TIAM2: variants seen among roughly 807,000 people sequenced by gnomAD.
TIAM2 encodes the protein TIAM Rac1 associated GEF 2.
A neutral mutation model predicts 152.9 loss-of-function variants in TIAM2; 80 were observed. That is an observed-to-expected ratio of 0.52 (90% CI 0.44 to 0.63). The LOEUF is 0.63. TIAM2 is among the 30% of genes least tolerant of loss of function. The probability of loss-of-function intolerance (pLI) is 0.00; values close to 1 mark genes in which losing one functional copy is unlikely to be tolerated. For synonymous variants in TIAM2, 804 were observed against 838.0 expected (o/e 0.96, Z 0.70); for missense variants, 1,965 against 2,120.1 (o/e 0.93, Z 1.44).
At chr6:155,013,662 A>G (rs1326070510) in intron 1 of TIAM2, 2 of 152,092 alleles carry the variant, frequency 1.3e-5, no homozygotes, top group Non-Finnish European at 2.9e-5. Flanking sequence ...TATGAGCCAT[A>G]TGGAAGTCTG....
intron 22 of TIAM2, among the ~76,000 whole-genome samples, chr6:155,251,308 C>T (rs1330941784): frequency 2.6e-5 from 4 of 152,084 alleles, no homozygotes; most frequent in Non-Finnish European, 5.9e-5. Flanking sequence ...TTTTCTGAGA[C>T]GAGGTTTTGC....
At chr6:155,014,397 TTAAG>T (rs906331936) in intron 1 of TIAM2, among the ~76,000 whole-genome samples, 6 of 152,172 alleles carry the variant, frequency 3.9e-5, no homozygotes, top group Admixed American at 1.3e-4. Flanking sequence ...CAGTATTATG[TTAAG>T]TAGTTTTTGT....
Position 155,164,133 on chromosome 6 carries a change from G to GTTTTTTTTTTTTTTTTTTTTTTT in TIAM2, c.2029-270_2029-269insTTTTTTTTTTTTTTTTTTTTTTT, listed in dbSNP as rs375238178. ...TGGCACCACACCAGCTAATTTTTGTGTTTTTTTTTTTTCTTTTTTTTAGTA... is the reference window on the plus strand; with the variant it reads ...TGGCACCACACCAGCTAATTTTTGTGTTTTTTTTTTTTTTTTTTTTTTTTTTTTTTTTTTTCTTTTTTTTAGTA... On this transcript the variant is annotated intron_variant, in intron 7 of 26. Transcript: ENST00000682666. Among the ~76,000 whole-genome samples the GTTTTTTTTTTTTTTTTTTTTTTT allele has an allele frequency of 8.5e-5, 10 of 118,054 alleles. 2 individuals carry two copies. Among genetic ancestry groups the GTTTTTTTTTTTTTTTTTTTTTTT allele is most frequent in the Non-Finnish European group, 1.6e-4 (9 of 58,020 alleles). The allele number at this position is 118,054 out of a possible 152,430, so 77.4% of individuals were successfully genotyped here.
intron 18 of TIAM2, among the ~76,000 whole-genome samples, chr6:155,245,302 T>C (rs1215843534): frequency 2.0e-5 from 3 of 152,252 alleles, no homozygotes; most frequent in Admixed American, 6.5e-5. Flanking sequence ...CAATGCAGAG[T>C]CGGCTTTATT....
At chr6:155,113,473 C>T (rs1476739014) in intron 2 of TIAM2, among the ~76,000 whole-genome samples, 1 of 152,110 alleles carries the variant, frequency 6.6e-6, no homozygotes, top group Non-Finnish European at 1.5e-5. Flanking sequence ...ATAATCTTAG[C>T]ACTTTGGGAG....
intron 15 of TIAM2, chr6:155,232,738 C>T (rs1408606327): frequency 2.6e-5 from 4 of 152,034 alleles, no homozygotes; most frequent in South Asian, 2.1e-4. Context: ...AGGGATCTGC[C>T]GAAAGATCAT....
At chr6:155,244,941 G>A in intron 18 of TIAM2, 158 bp downstream of exon 18, 1 of 934,072 alleles carries the variant, frequency 1.1e-6, no homozygotes. Flanking sequence ...TCTGTCAGGT[G>A]GTAAAGGAAG....
At position 155,129,700 on chromosome 6, in the gene TIAM2, C is replaced by T. The variant is rs1360380970; in HGVS notation, c.477C>T (p.Pro159=). ...CACCGGGCGAAGACCGCAAGAGCCC[C>T]CGAGTGCTCATCAAAACGCTGGGGA... ...STPPGEDRKS[P]RVLIKTLGKL... Residue 159 remains proline, a synonymous_variant, in exon 4 of 27, where the codon CCC becomes CCT. Coordinates refer to ENST00000682666, the MANE Select transcript of TIAM2 (RefSeq NM_012454.4). This position sits in a 1 kb window ranked among gnomAD's most constrained non-coding sequence, Gnocchi z 4.8. The T allele has an allele frequency of 1.9e-6, 3 of 1,613,934 alleles. No individual in the cohort carries two copies. Among genetic ancestry groups the T allele is most frequent in the East Asian group, 2.2e-5 (1 of 44,890 alleles).
chr6:155,142,162 C>T (rs1234891148), intron 5 of TIAM2, among the ~76,000 whole-genome samples: 3 of 152,292 alleles, frequency 2.0e-5, no homozygotes, highest in Admixed American at 6.5e-5. Flanking sequence ...GGGTGCAGCC[C>T]GTTTCCACTG....
Position 155,213,393 on chromosome 6 carries a change from CTAA to C in TIAM2, c.3168+2088_3168+2090del, listed in dbSNP as rs1332656770. On this transcript the variant is annotated intron_variant, in intron 15 of 26. Coordinates refer to ENST00000682666, the MANE Select transcript of TIAM2 (RefSeq NM_012454.4). This position sits in a 1 kb window ranked among gnomAD's most constrained non-coding sequence, Gnocchi z 4.2. ...TAGCTCCTCTCCACAGCTGGTAGTA[CTAA>C]TGTCTGCTTAGCTTTAAGCAGAGAG... 2.0e-5 allele frequency among the ~76,000 whole-genome samples: 3 copies of C among 152,128 alleles called. No individual in the cohort carries two copies. The highest frequency in any genetic ancestry group is 2.9e-5 in the Non-Finnish European group (2 of 68,018).
rs906918661 is a variant in TIAM2, at chr6:155,148,000, G to A, written c.1804-110G>A. 5 of 1,014,576 alleles carry A rather than the reference G, an allele frequency of 4.9e-6. No individual in the cohort carries two copies. The African/African-American group carries it at 8.0e-5, about 16-fold the overall frequency. The allele number at this position is 1,014,576 out of a possible 1,614,324, so 62.8% of individuals were successfully genotyped here. A position where few individuals can be genotyped will look rare whatever the true frequency, so the allele number is the denominator to read the frequency against. ...GTTTTTGAAATTAAGCAGCTTGTAT[G>A]CAGTGCAAGTACTTCTTGGGTTTTG... On this transcript the variant is annotated intron_variant, in intron 6 of 26. Transcript: ENST00000682666.
chr6:155,146,590 G>C (rs1583213873), intron 6 of TIAM2, among the ~76,000 whole-genome samples: 1 of 151,404 alleles, frequency 6.6e-6, no homozygotes, highest in East Asian at 1.9e-4. Flanking sequence ...TTTAAAAAAT[G>C]TATCATTATT....
At chr6:155,008,148 A>C (rs1005161036) in intron 1 of TIAM2, among the ~76,000 whole-genome samples, 1 of 152,232 alleles carries the variant, frequency 6.6e-6, no homozygotes, top group African/African-American at 2.4e-5. Flanking sequence ...GTGCATTGAA[A>C]ATTCTTGAAT....
chr6:155,107,334 G>A (rs140310031), intron 2 of TIAM2, among the ~76,000 whole-genome samples: 1 of 152,332 alleles, frequency 6.6e-6, no homozygotes, highest in East Asian at 1.9e-4. Context: ...TAAGGGAATT[G>A]TTGCCTTTAA....
intron 14 of TIAM2, among the ~76,000 whole-genome samples, chr6:155,201,992 T>A (rs1426774554): frequency 2.0e-5 from 3 of 151,820 alleles, no homozygotes; most frequent in Non-Finnish European, 4.4e-5. Context: ...AACAATAACA[T>A]TCAGACTGCT....
intron 19 of TIAM2, among the ~76,000 whole-genome samples, chr6:155,247,131 C>T (rs1348562819): frequency 6.6e-6 from 1 of 152,222 alleles, no homozygotes; most frequent in Non-Finnish European, 1.5e-5. Context: ...GGAGTGAAGG[C>T]TGTAGGCTGC....
At chr6:155,039,701 G>C (rs1266277699) in intron 1 of TIAM2, among the ~76,000 whole-genome samples, 3 of 152,070 alleles carry the variant, frequency 2.0e-5, no homozygotes, top group Non-Finnish European at 4.4e-5. Flanking sequence ...TGCATTGTTG[G>C]GGCCCTTCCC....
At chr6:155,048,809 T>G (rs1381279180) in intron 1 of TIAM2, among the ~76,000 whole-genome samples, 1 of 151,986 alleles carries the variant, frequency 6.6e-6, no homozygotes, top group Non-Finnish European at 1.5e-5. Context: ...TTGTTTTTTT[T>G]TTTTGTTTTG....
chr6:155,009,091 CTTTTTTTTTTTTTTTT>C (rs61651734), intron 1 of TIAM2, among the ~76,000 whole-genome samples: 1 of 61,440 alleles, frequency 1.6e-5, no homozygotes, highest in African/African-American at 6.9e-5. Flanking sequence ...CTCAGAAGAT[CTTTTTTTTTTTTTTTT>C]TTTTTTTTTT....
Sources: gnomAD v4.1 joint callset for allele counts (sites outside exome capture counted in the v4.1 genomes callset) on GRCh38, gnomAD v4.1.1 for gene constraint, Gnocchi (gnomAD v3.1) non-coding constraint, MANE v1.5 for transcripts, NCBI Gene and HGNC (gene_info 2026-07-23, HGNC 2026-07-21) for gene names.